Variants in NEDD4L observed in about 807,000 individuals in gnomAD.
NEDD4L encodes the protein E3 ubiquitin-protein ligase NEDD4-like.
Under a neutral mutation model 148.9 loss-of-function variants are expected in NEDD4L, and 54 were observed. That is an observed-to-expected ratio of 0.36 (90% CI 0.29 to 0.45). The LOEUF is 0.45. Ranked by LOEUF, NEDD4L falls within the 20% of genes least tolerant of loss-of-function variation. NEDD4L has a pLI of 1.00. For missense variants in NEDD4L, 856 were observed against 1,233.8 expected, an observed-to-expected ratio of 0.69 and a Z score of 4.59; for synonymous variants, 433 against 440.7, an observed-to-expected ratio of 0.98 and a Z score of 0.22.
At chr18:58,139,087 C>T (rs1279180726) in intron 1 of NEDD4L, among the ~76,000 whole-genome samples, 1 of 152,202 alleles carries the variant, frequency 6.6e-6, no homozygotes, top group African/African-American at 2.4e-5. Context: ...ATCCTTCAAA[C>T]GAAAATGCTT....
chr18:58,054,647 C>T (rs2082017417), intron 1 of NEDD4L: 1 of 153,500 alleles, frequency 6.5e-6, no homozygotes, highest in Admixed American at 6.5e-5. Flanking sequence ...GTATTCTCCT[C>T]CTTGCTCTCA....
At chr18:58,224,757 C>G (rs980860286) in intron 2 of NEDD4L, among the ~76,000 whole-genome samples, 1 of 152,186 alleles carries the variant, frequency 6.6e-6, no homozygotes, top group South Asian at 2.1e-4. Flanking sequence ...GTCTCTTGTG[C>G]TAGACATTGA....
At chr18:58,059,519 C>T (rs932439197) in intron 1 of NEDD4L, among the ~76,000 whole-genome samples, 1 of 152,176 alleles carries the variant, frequency 6.6e-6, no homozygotes, top group Non-Finnish European at 1.5e-5. Context: ...CTAAGAAGGG[C>T]AGTGTCCTCC....
At chr18:58,178,283 C>A (rs2038410704) in intron 2 of NEDD4L, among the ~76,000 whole-genome samples, 1 of 152,148 alleles carries the variant, frequency 6.6e-6, no homozygotes, top group Non-Finnish European at 1.5e-5. Context: ...GAATGGGGTT[C>A]CTAGATAGTG....
At chr18:58,179,544 C>T (rs190258801) in intron 2 of NEDD4L, among the ~76,000 whole-genome samples, 36 of 152,232 alleles carry the variant, frequency 2.4e-4, no homozygotes, top group African/African-American at 4.1e-4. Context: ...CATGGGTAGG[C>T]GGGCAAAACT....
chr18:58,166,940 A>G (rs893464927), intron 2 of NEDD4L, among the ~76,000 whole-genome samples: 3 of 152,174 alleles, frequency 2.0e-5, no homozygotes, highest in African/African-American at 7.2e-5. Context: ...TTTTGCTGCC[A>G]TTAGTAAGCA....
intron 1 of NEDD4L, among the ~76,000 whole-genome samples, chr18:58,072,282 A>G (rs1307321990): frequency 6.6e-6 from 1 of 152,194 alleles, no homozygotes; most frequent in Non-Finnish European, 1.5e-5. Context: ...ACTATGGAAC[A>G]ATATCCCTTA....
At chr18:58,157,185 CAAAAAAA>C (rs59302556) in intron 1 of NEDD4L, among the ~76,000 whole-genome samples, 1 of 89,330 alleles carries the variant, frequency 1.1e-5, no homozygotes, top group African/African-American at 3.6e-5. Flanking sequence ...GACCTTGTCT[CAAAAAAA>C]AAAAAAAAAA....
chr18:58,052,454 T>C (rs752092243), intron 1 of NEDD4L, among the ~76,000 whole-genome samples: 5 of 152,178 alleles, frequency 3.3e-5, no homozygotes, highest in Non-Finnish European at 7.3e-5. Flanking sequence ...CCAGTCAACT[T>C]TTTGTCCCTG....
chr18:58,105,824 A>G (rs1428794451), intron 1 of NEDD4L, among the ~76,000 whole-genome samples: 1 of 152,188 alleles, frequency 6.6e-6, no homozygotes, highest in Non-Finnish European at 1.5e-5. Flanking sequence ...TTTGGAAGGA[A>G]AGAATACGAA....
intron 1 of NEDD4L, among the ~76,000 whole-genome samples, 163 bp downstream of exon 1, chr18:58,044,871 C>T (rs1033959108): frequency 1.3e-5 from 2 of 152,180 alleles, no homozygotes; most frequent in Non-Finnish European, 2.9e-5. Flanking sequence ...AGCTTGGGTC[C>T]TTCCGCACCC....
intron 1 of NEDD4L, among the ~76,000 whole-genome samples, chr18:58,122,112 T>C (rs1173712503): frequency 1.3e-5 from 2 of 152,254 alleles, no homozygotes; most frequent in African/African-American, 2.4e-5. Context: ...GGCTTACAGC[T>C]GCCATTCAGC....
chr18:58,063,141 G>A (rs189103876), intron 1 of NEDD4L, among the ~76,000 whole-genome samples: 58 of 140,484 alleles, frequency 4.1e-4, no homozygotes, highest in Non-Finnish European at 7.7e-4. Context: ...GACCTCCGAA[G>A]TCCACACGAT....
At chr18:58,073,726 G>A (rs545610404) in intron 1 of NEDD4L, among the ~76,000 whole-genome samples, 1 of 152,150 alleles carries the variant, frequency 6.6e-6, no homozygotes, top group Non-Finnish European at 1.5e-5. Context: ...TGTGATGGTA[G>A]TGGGTATAGA....
intron 2 of NEDD4L, among the ~76,000 whole-genome samples, chr18:58,184,030 G>A (rs774615139): frequency 5.9e-5 from 9 of 152,130 alleles, no homozygotes; most frequent in South Asian, 4.1e-4. Flanking sequence ...TTAGCCAGGC[G>A]TGGTGGCGGG....
intron 1 of NEDD4L, among the ~76,000 whole-genome samples, chr18:58,153,489 G>A (rs1177211748): frequency 6.6e-6 from 1 of 151,776 alleles, no homozygotes; most frequent in African/African-American, 2.4e-5. Flanking sequence ...ACATGCATGA[G>A]CCACCAGGCC....
chr18:58,082,102 A>ATATATATATTT, intron 1 of NEDD4L, among the ~76,000 whole-genome samples: 31 of 48,832 alleles, frequency 6.3e-4, no homozygotes, highest in Admixed American at 2.7e-3. Context: ...ATATATATAT[A>ATATATATATTT]TTTTTTTTTT....
intron 2 of NEDD4L, among the ~76,000 whole-genome samples, chr18:58,224,168 A>G (rs1330108686): frequency 6.6e-6 from 1 of 152,212 alleles, no homozygotes; most frequent in Non-Finnish European, 1.5e-5. Context: ...TCACTTCACG[A>G]TTACTCATCT....
intron 2 of NEDD4L, among the ~76,000 whole-genome samples, chr18:58,177,341 A>G (rs1324062473): frequency 1.3e-5 from 2 of 152,226 alleles, no homozygotes; most frequent in Non-Finnish European, 2.9e-5. Flanking sequence ...TGAGTCAGAA[A>G]TGAAAGCAGT....
Sources: gnomAD v4.1 joint callset for allele counts (sites outside exome capture counted in the v4.1 genomes callset) on GRCh38, gnomAD v4.1.1 for gene constraint, MANE v1.5 for transcripts, NCBI Gene and HGNC (gene_info 2026-07-23, HGNC 2026-07-21) for gene names.